FGF13: variants seen among roughly 807,000 people sequenced by gnomAD.
FGF13 encodes fibroblast growth factor homologous factor 2.
FGF13 carries 2 observed loss-of-function variants against 19.5 expected under a neutral mutation model. That is an observed-to-expected ratio of 0.10 (90% CI 0.04 to 0.32). FGF13 has a LOEUF of 0.32. Ranked by LOEUF, FGF13 falls within the 10% of genes least tolerant of loss-of-function variation. FGF13 has a pLI of 1.00. For synonymous variants in FGF13, 72 were observed against 76.9 expected (o/e 0.94, Z 0.33); for missense variants, 113 against 192.7 (o/e 0.59, Z 2.45).
chrX:139,149,167 A>G (rs1257851566), intron 1 of FGF13, among the ~76,000 whole-genome samples: 1 of 111,401 alleles, frequency 9.0e-6, no homozygotes, highest in East Asian at 2.8e-4. Flanking sequence ...TTTTTCTTCT[A>G]TTCTTTACTC....
At chrX:139,103,021 T>C (rs1438141683) in intron 1 of FGF13, among the ~76,000 whole-genome samples, 1 of 112,401 alleles carries the variant, frequency 8.9e-6, no homozygotes, top group Non-Finnish European at 1.9e-5. Flanking sequence ...GGACAAGGGC[T>C]CAGTAAAGCA....
chrX:138,910,345 G>A (rs1157685265), intron 1 of FGF13, among the ~76,000 whole-genome samples: 1 of 110,972 alleles, frequency 9.0e-6, no homozygotes, highest in Non-Finnish European at 1.9e-5. Context: ...GAAGACATTA[G>A]TTTAGCCTAG....
intron 1 of FGF13, among the ~76,000 whole-genome samples, chrX:138,982,072 T>C (rs1385528147): frequency 8.9e-6 from 1 of 111,937 alleles, no homozygotes; most frequent in African/African-American, 3.3e-5. Context: ...TGTGGTAGAA[T>C]GGCCTCAGCT....
intron 3 of FGF13, among the ~76,000 whole-genome samples, chrX:138,781,172 T>C (rs1464710454): frequency 9.0e-6 from 1 of 110,940 alleles, no homozygotes; most frequent in Admixed American, 9.6e-5. Context: ...AAGCAGCGTG[T>C]AGAGGGAAAT....
intron 3 of FGF13, among the ~76,000 whole-genome samples, chrX:138,778,445 A>T (rs2090607828): frequency 8.9e-6 from 1 of 111,892 alleles, no homozygotes; most frequent in Non-Finnish European, 1.9e-5. Context: ...TGGGTGCAGG[A>T]CAGTGGGTGC....
chrX:138,850,679 G>A (rs1178717134), intron 3 of FGF13, among the ~76,000 whole-genome samples: 1 of 112,021 alleles, frequency 8.9e-6, no homozygotes, highest in Admixed American at 9.5e-5. Context: ...AAATAAAAAG[G>A]TTGAGAACAA....
intron 1 of FGF13, among the ~76,000 whole-genome samples, chrX:139,100,821 G>A (rs772442439): frequency 7.1e-4 from 79 of 110,931 alleles, no homozygotes; most frequent in Non-Finnish European, 5.9e-4. Context: ...CAGGGAAAGC[G>A]GGATCACTAA....
At chrX:138,863,931 T>C (rs2091302952) in intron 2 of FGF13, among the ~76,000 whole-genome samples, 1 of 112,128 alleles carries the variant, frequency 8.9e-6, no homozygotes, top group African/African-American at 3.2e-5. Flanking sequence ...TTCTCAACAC[T>C]GGAACTTTTG....
At chrX:138,809,150 A>C (rs1229128195) in intron 3 of FGF13, among the ~76,000 whole-genome samples, 1 of 111,858 alleles carries the variant, frequency 8.9e-6, no homozygotes, top group Non-Finnish European at 1.9e-5. Flanking sequence ...AAAAAAAGAG[A>C]ATTTTAGACC....
At chrX:139,063,244 G>A (rs1275846488) in intron 1 of FGF13, among the ~76,000 whole-genome samples, 4 of 111,330 alleles carry the variant, frequency 3.6e-5, no homozygotes, top group Non-Finnish European at 7.6e-5. Context: ...TATAGAGGAG[G>A]ACTATGGATT....
intron 3 of FGF13, among the ~76,000 whole-genome samples, chrX:138,674,117 G>T (rs955936879): frequency 1.4e-4 from 15 of 110,535 alleles, no homozygotes; most frequent in Non-Finnish European, 1.1e-4. Context: ...TGGAAGAGGA[G>T]AGGGAGAAGG....
chrX:138,626,729 G>GACACAC lies in FGF13; in HGVS notation c.*6115_*6120dup, dbSNP rs899177842. On this transcript the variant is annotated 3_prime_UTR_variant, in exon 5 of 5. Coordinates refer to ENST00000315930, the MANE Select transcript of FGF13 (RefSeq NM_004114.5). The stretch of plus-strand genomic sequence containing the variant: ...CCTGCTACACACACACACAGACACA[G>GACACAC]ACACACACACACGCACACAGAAACA... 6.3e-5 allele frequency: 7 copies of GACACAC among 111,182 alleles called. No homozygotes were observed. The highest frequency in any genetic ancestry group is 2.0e-4 in the African/African-American group (6 of 30,596). The allele number at this position is 111,182 out of a possible 1,213,427, so 9.2% of individuals were successfully genotyped here. A position where few individuals can be genotyped will look rare whatever the true frequency, so the allele number is the denominator to read the frequency against.
At chrX:138,978,009 T>A (rs1312156431) in intron 1 of FGF13, among the ~76,000 whole-genome samples, 2 of 111,685 alleles carry the variant, frequency 1.8e-5, no homozygotes, top group Admixed American at 1.9e-4. Context: ...TCAAGAGCCA[T>A]ATGTGACAAC....
chrX:139,202,288 G>T (rs769904324), intron 1 of FGF13, among the ~76,000 whole-genome samples: 2 of 111,737 alleles, frequency 1.8e-5, no homozygotes, highest in Non-Finnish European at 3.8e-5. Flanking sequence ...ATTCAACAGG[G>T]GAATGACGTG....
At chrX:139,149,067 C>A (rs2083912898) in intron 1 of FGF13, among the ~76,000 whole-genome samples, 1 of 111,783 alleles carries the variant, frequency 8.9e-6, no homozygotes, top group African/African-American at 3.3e-5. Context: ...TTTAAAATGA[C>A]CTTGACCTTT....
In FGF13 at chrX:139,010,240, G is replaced by A. The variant is rs1249254261; in HGVS notation, c.-112-145590C>T. On this transcript the variant is annotated intron_variant, in intron 1 of 2. Transcript: ENST00000421460. ...GTAATCCACTGAGAGCACTAGATAG[G>A]TCATCAATACAAAAAGTCAACAAAG... Among the ~76,000 whole-genome samples the A allele has an allele frequency of 3.6e-5, 4 of 111,058 alleles. No individual in the cohort carries two copies. The East Asian group carries it at 1.1e-3, about 32-fold the overall frequency.
chrX:139,064,131 T>C (rs1026699201), intron 1 of FGF13, among the ~76,000 whole-genome samples: 5 of 110,946 alleles, frequency 4.5e-5, no homozygotes, highest in Middle Eastern at 4.7e-3. Flanking sequence ...GTCATTAATA[T>C]ATATTTTGTC....
rs778618397 is a variant in FGF13, at chrX:138,667,544, A to T, written c.403-31889T>A. Among the ~76,000 whole-genome samples the T allele has an allele frequency of 9.9e-5, 11 of 111,504 alleles. No individual in the cohort carries two copies. The South Asian group carries it at 4.1e-3, about 42-fold the overall frequency. ...TACTGAACCTGACTATAAGAGAGTT[A>T]CAAAGACATTTCAATAACTACTAAA... On this transcript the variant is annotated intron_variant, in intron 3 of 4. Coordinates refer to ENST00000315930, the MANE Select transcript of FGF13 (RefSeq NM_004114.5).
intron 1 of FGF13, among the ~76,000 whole-genome samples, chrX:139,085,378 C>T (rs1050640298): frequency 8.9e-6 from 1 of 111,898 alleles, no homozygotes; most frequent in African/African-American, 3.2e-5. Context: ...TAGTACATAA[C>T]AAATAACATT....
Sources: allele counts gnomAD v4.1 joint callset (sites outside exome capture counted in the v4.1 genomes callset), GRCh38; gene constraint gnomAD v4.1.1; transcripts MANE v1.5; gene names NCBI Gene and HGNC (gene_info 2026-07-23, HGNC 2026-07-21).